The following WTAP variants were observed in gnomAD, a reference collection of about 807,000 sequenced individuals.
WTAP encodes pre-mRNA-splicing regulator WTAP.
In WTAP, 8 loss-of-function variants were observed where a neutral mutation model predicts 50.0. The observed-to-expected ratio is 0.16, with a 90% confidence interval of 0.09 to 0.29. The LOEUF is 0.29. Among genes scored for constraint, WTAP ranks in the 10% least tolerant of loss-of-function variants. The pLI is 1.00. For missense variants in WTAP, 295 were observed against 470.7 expected, an observed-to-expected ratio of 0.63 and a Z score of 3.45; for synonymous variants, 194 against 169.0, an observed-to-expected ratio of 1.15 and a Z score of -1.15.
At chr6:159,746,765 T>C (rs557693094) in intron 5 of WTAP, among the ~76,000 whole-genome samples, 1 of 152,316 alleles carries the variant, frequency 6.6e-6, no homozygotes, top group East Asian at 1.9e-4. Context: ...TCAAAATAGA[T>C]TTAGGAATAA....
chr6:159,727,759 C>T (rs1345044047), intron 1 of WTAP, 56 bp downstream of exon 1: 2 of 979,042 alleles, frequency 2.0e-6, no homozygotes, highest in African/African-American at 1.7e-5. Flanking sequence ...GGCCTGAGGG[C>T]TGATGCGCAG....
At chr6:159,745,008 A>C (rs1444599215) in intron 5 of WTAP, 1 of 152,076 alleles carries the variant, frequency 6.6e-6, no homozygotes, top group Non-Finnish European at 1.5e-5. Context: ...CCTTCTTAAC[A>C]CATTTTGTCC....
rs1779990352 is a variant in WTAP, at chr6:159,755,775, T to C, written c.*164T>C. ...TTTTTTTTTTCTTTTCTTTTTTTTT[T>C]TTTTTTTTTTTTTTTGCTTCAATAC... On this transcript the variant is annotated 3_prime_UTR_variant, in exon 8 of 8. Transcript: ENST00000621533. 10 of 1,022,166 alleles carry C rather than the reference T, an allele frequency of 9.8e-6. No homozygotes were observed. The highest frequency in any genetic ancestry group is 3.7e-4 in the Middle Eastern group (1 of 2,734). 63.3% of individuals were successfully genotyped at this position (1,022,166 alleles called of 1,614,324 possible).
At chr6:159,754,173 T>A (rs1478821178) in intron 7 of WTAP, among the ~76,000 whole-genome samples, 1 of 152,238 alleles carries the variant, frequency 6.6e-6, no homozygotes, top group Non-Finnish European at 1.5e-5. Context: ...TCCAAATTCT[T>A]TGAAATTTTA....
intron 1 of WTAP, among the ~76,000 whole-genome samples, chr6:159,735,200 G>A (rs919261912): frequency 1.3e-5 from 2 of 152,154 alleles, no homozygotes; most frequent in African/African-American, 2.4e-5. Flanking sequence ...ATGCAGTGGC[G>A]CGCCATCTCG....
intron 1 of WTAP, among the ~76,000 whole-genome samples, chr6:159,734,097 C>T (rs768313225): frequency 6.6e-6 from 1 of 152,130 alleles, no homozygotes; most frequent in African/African-American, 2.4e-5. Flanking sequence ...TAGTATAAAA[C>T]ATGCTGTTGG....
intron 3 of WTAP, 63 bp from the exon 4 acceptor site, chr6:159,742,025 C>G (rs1779285628): frequency 8.5e-7 from 1 of 1,174,948 alleles, no homozygotes; most frequent in African/African-American, 1.6e-5. Context: ...TTATAGATAT[C>G]TTCTAGTTTA....
At chr6:159,740,528 C>T (rs1308392274) in intron 3 of WTAP, among the ~76,000 whole-genome samples, 1 of 152,042 alleles carries the variant, frequency 6.6e-6, no homozygotes, top group East Asian at 1.9e-4. Context: ...TAAAATAAAT[C>T]GTTCTTTTAT....
chr6:159,727,167 A>G (rs991738017), upstream of WTAP: 311 of 1,198,750 alleles, frequency 2.6e-4, 1 homozygote, highest in Middle Eastern at 9.5e-4. Flanking sequence ...AGCTCGCGCC[A>G]GGCTCCTGGG....
intron 6 of WTAP, 108 bp from the exon 7 acceptor site, chr6:159,753,352 C>A: frequency 6.9e-7 from 1 of 1,450,912 alleles, no homozygotes; most frequent in Non-Finnish European, 9.5e-7. Context: ...GAAGCATCTG[C>A]TGTGATATAG....
In WTAP at chr6:159,748,826, C is replaced by T. The variant is rs1284399511; in HGVS notation, c.452+457C>T. On this transcript the variant is annotated intron_variant, in intron 6 of 7. Coordinates refer to ENST00000621533, the MANE Select transcript of WTAP (RefSeq NM_001270531.2). This position sits in a 1 kb window ranked among gnomAD's most constrained non-coding sequence, Gnocchi z 5.6. ...TAAAATGTAAAAACGGAATATGCAT[C>T]GCTCTTAACCTTGAGCATAGTGACT... The T allele has an allele frequency of 3.3e-6, 4 of 1,226,832 alleles. No homozygotes were observed. The highest frequency in any genetic ancestry group is 1.6e-5 in the African/African-American group (1 of 64,232). 76.0% of individuals were successfully genotyped at this position (1,226,832 alleles called of 1,614,324 possible).
Position 159,755,654 on chromosome 6 carries a change from A to G in WTAP, c.*43A>G, listed in dbSNP as rs1170358527. Reference sequence around the variant, plus strand: ...TTTATACAGTGTCATTTAATTTGGGAGAGGATACTGTCCAGAAAATTAATG... The same window carrying G: ...TTTATACAGTGTCATTTAATTTGGGGGAGGATACTGTCCAGAAAATTAATG... On this transcript the variant is annotated 3_prime_UTR_variant, in exon 8 of 8. Coordinates refer to ENST00000621533, the MANE Select transcript of WTAP (RefSeq NM_001270531.2). 1 of 1,505,528 alleles carries G rather than the reference A, an allele frequency of 6.6e-7. No homozygotes were observed. Among genetic ancestry groups the G allele is most frequent in the South Asian group, 1.3e-5 (1 of 75,892 alleles). 93.3% of individuals were successfully genotyped at this position (1,505,528 alleles called of 1,614,324 possible). A position where few individuals can be genotyped will look rare whatever the true frequency, so the allele number is the denominator to read the frequency against.
intron 3 of WTAP, 195 bp from the exon 4 acceptor site, chr6:159,741,893 C>T (rs964961811): frequency 4.3e-6 from 2 of 470,072 alleles, no homozygotes; most frequent in East Asian, 4.2e-5. Flanking sequence ...CGCTTGAGCC[C>T]AGACCCTGTT....
chr6:159,736,265 G>A lies in WTAP; in HGVS notation c.-1G>A. 1 of 1,601,258 alleles carries A rather than the reference G, an allele frequency of 6.2e-7. No individual in the cohort carries two copies. The highest frequency in any genetic ancestry group is 8.5e-7 in the Non-Finnish European group (1 of 1,173,678). On this transcript the variant is annotated 5_prime_UTR_variant, in exon 2 of 8. Coordinates refer to ENST00000621533, the MANE Select transcript of WTAP (RefSeq NM_001270531.2). ...CGCAACTTTTTTTTTTAGGATTCAA[G>A]ATGACCAACGAAGAACCTCTTCCCA... is the stretch of plus-strand genomic sequence containing the variant.
intron 4 of WTAP, among the ~76,000 whole-genome samples, chr6:159,743,070 CAG>C (rs1779358419): frequency 6.6e-6 from 1 of 152,236 alleles, no homozygotes; most frequent in Non-Finnish European, 1.5e-5. Context: ...TTGTTTGAGA[CAG>C]GGTCTCGCAC....
intron 3 of WTAP, among the ~76,000 whole-genome samples, chr6:159,741,032 T>G (rs1779227208): frequency 6.6e-6 from 1 of 152,182 alleles, no homozygotes; most frequent in South Asian, 2.1e-4. Context: ...ATGACAAGCC[T>G]GTTTTTAAGA....
chr6:159,749,297 T>A, intron 6 of WTAP: 1 of 985,834 alleles, frequency 1.0e-6, no homozygotes, highest in Non-Finnish European at 1.2e-6. Flanking sequence ...AAATCCCCGT[T>A]CCATTCAACA....
rs1780002856 is a variant in WTAP at position 159,756,044 on chromosome 6, G to GTT, written c.*435_*436dup. ...TTCAGACTTGTTAGAGTAGATGTGG[G>GTT]TTTATGACTGCCAAGTTTGCCCAGT... On this transcript the variant is annotated 3_prime_UTR_variant, in exon 8 of 8. Transcript: ENST00000621533. 1 of 156,054 alleles carries GTT rather than the reference G, an allele frequency of 6.4e-6. No individual in the cohort carries two copies. The highest frequency in any genetic ancestry group is 1.4e-5 in the Non-Finnish European group (1 of 70,504). 9.7% of individuals were successfully genotyped at this position (156,054 alleles called of 1,614,324 possible).
chr6:159,748,931 T>G lies in WTAP; in HGVS notation c.452+562T>G, dbSNP rs140380891. On this transcript the variant is annotated intron_variant, in intron 6 of 7. Coordinates refer to ENST00000621533, the MANE Select transcript of WTAP (RefSeq NM_001270531.2). The surrounding 1 kb of genome is among the most constrained non-coding windows in gnomAD (Gnocchi z 5.6). Reference sequence around the variant, plus strand: ...TTGAACTTCTGGGTCAAAACTCAAATGAGGTGAATTTTGCCTTTAAAGGGT... The same window carrying G: ...TTGAACTTCTGGGTCAAAACTCAAAGGAGGTGAATTTTGCCTTTAAAGGGT... 1.1e-5 allele frequency: 12 copies of G among 1,139,024 alleles called. No homozygotes were observed. The East Asian group carries it at 4.8e-4, about 46-fold the overall frequency. 70.6% of individuals were successfully genotyped at this position (1,139,024 alleles called of 1,614,324 possible).
Sources: allele counts gnomAD v4.1 joint callset (sites outside exome capture counted in the v4.1 genomes callset), GRCh38; gene constraint gnomAD v4.1.1; non-coding constraint Gnocchi (gnomAD v3.1); transcripts MANE v1.5; gene names NCBI Gene and HGNC (gene_info 2026-07-23, HGNC 2026-07-21).